KCNIP4: variants seen among roughly 807,000 people sequenced by gnomAD.
KCNIP4 encodes the protein Kv channel-interacting protein 4.
KCNIP4 carries 12 observed loss-of-function variants against 34.0 expected under a neutral mutation model. The observed-to-expected ratio is 0.35, with a 90% confidence interval of 0.23 to 0.57. KCNIP4 has a LOEUF of 0.57. Ranked by LOEUF, KCNIP4 falls within the 20% of genes least tolerant of loss-of-function variation. KCNIP4 has a pLI of 0.83. For missense variants in KCNIP4, 238 were observed against 311.7 expected, an observed-to-expected ratio of 0.76 and a Z score of 1.78; for synonymous variants, 124 against 102.2, an observed-to-expected ratio of 1.21 and a Z score of -1.29.
intron 1 of KCNIP4, among the ~76,000 whole-genome samples, chr4:21,567,628 C>T (rs1304781548): frequency 6.6e-6 from 1 of 152,154 alleles, no homozygotes; most frequent in African/African-American, 2.4e-5. Flanking sequence ...CAGCATCATG[C>T]TTAGAGCCAG....
At chr4:21,445,486 T>G (rs1332274910) in intron 1 of KCNIP4, among the ~76,000 whole-genome samples, 1 of 152,166 alleles carries the variant, frequency 6.6e-6, no homozygotes, top group African/African-American at 2.4e-5. Flanking sequence ...TACAACTATC[T>G]GATCTTTGAC....
intron 1 of KCNIP4, among the ~76,000 whole-genome samples, chr4:21,361,953 G>A (rs930415819): frequency 1.3e-5 from 2 of 151,928 alleles, no homozygotes; most frequent in South Asian, 2.1e-4. Flanking sequence ...TCTATAACCC[G>A]TCACACCGTC....
intron 1 of KCNIP4, among the ~76,000 whole-genome samples, chr4:21,234,118 T>C (rs1487757927): frequency 6.3e-5 from 7 of 111,638 alleles, no homozygotes; most frequent in South Asian, 2.5e-4. Flanking sequence ...ACGTATATTA[T>C]ATATAACATA....
At chr4:21,256,888 C>T (rs1000511676) in intron 1 of KCNIP4, among the ~76,000 whole-genome samples, 2 of 152,096 alleles carry the variant, frequency 1.3e-5, no homozygotes, top group Admixed American at 6.6e-5. Flanking sequence ...GTGTGAAATG[C>T]TCAAATTTTG....
intron 1 of KCNIP4, among the ~76,000 whole-genome samples, chr4:21,551,442 C>T (rs1228510065): frequency 6.6e-6 from 1 of 152,056 alleles, no homozygotes; most frequent in Non-Finnish European, 1.5e-5. Context: ...TAGAAACTTT[C>T]CCTGATGAAT....
At chr4:20,731,673 G>A (rs1748260368) in intron 8 of KCNIP4, 2 of 985,206 alleles carry the variant, frequency 2.0e-6, no homozygotes, top group Non-Finnish European at 2.4e-6. Flanking sequence ...TAATATATGA[G>A]TGATGCTAAG....
intron 1 of KCNIP4, among the ~76,000 whole-genome samples, chr4:21,689,351 G>A (rs777163291): frequency 6.6e-6 from 1 of 152,052 alleles, no homozygotes; most frequent in Non-Finnish European, 1.5e-5. Flanking sequence ...ATCAGTAATA[G>A]CGACAAATTT....
chr4:20,854,605 C>A (rs1721378097), intron 2 of KCNIP4, among the ~76,000 whole-genome samples: 1 of 152,002 alleles, frequency 6.6e-6, no homozygotes, highest in African/African-American at 2.4e-5. Flanking sequence ...CTCATGTAAC[C>A]AAATACCACC....
In KCNIP4 at chr4:21,728,794, C is replaced by A. The variant is rs141943932; in HGVS notation, c.61+219777G>T. ...CTGGGGAAGCCCTTCTTAAGGAGAT[C>A]TCTATGTCTCATTGTCTTACCACCC... On this transcript the variant is annotated intron_variant, in intron 1 of 8. Transcript: ENST00000382152. Among the ~76,000 whole-genome samples, 1,312 of 152,242 alleles carry A rather than the reference C, an allele frequency of 8.6e-3. 13 individuals carry two copies. Among genetic ancestry groups the A allele is most frequent in the Non-Finnish European group, 0.012 (837 of 68,018 alleles).
chr4:21,587,037 A>G (rs1329991071), intron 1 of KCNIP4, among the ~76,000 whole-genome samples: 1 of 152,032 alleles, frequency 6.6e-6, no homozygotes, highest in Non-Finnish European at 1.5e-5. Flanking sequence ...TGTTCTCAAG[A>G]AGGTTGAAGT....
intron 1 of KCNIP4, among the ~76,000 whole-genome samples, chr4:21,593,407 T>C (rs1742378954): frequency 6.6e-6 from 1 of 152,078 alleles, no homozygotes; most frequent in Non-Finnish European, 1.5e-5. Context: ...AGTGCTCTGC[T>C]CTTCTGCTGA....
chr4:21,128,364 C>G (rs1279224845), intron 1 of KCNIP4, among the ~76,000 whole-genome samples: 1 of 152,130 alleles, frequency 6.6e-6, no homozygotes, highest in Admixed American at 6.5e-5. Context: ...ATGAAGCATG[C>G]GATGTTTCAG....
intron 1 of KCNIP4, among the ~76,000 whole-genome samples, chr4:21,795,372 ACC>A (rs1384101663): frequency 1.3e-5 from 2 of 152,180 alleles, no homozygotes; most frequent in Non-Finnish European, 2.9e-5. Flanking sequence ...TGCGTAAGCC[ACC>A]CAGTCTGTGG....
chr4:21,946,143 G>A (rs1322072378), intron 1 of KCNIP4, among the ~76,000 whole-genome samples: 1 of 151,676 alleles, frequency 6.6e-6, no homozygotes, highest in African/African-American at 2.4e-5. Flanking sequence ...TTCCATTCAT[G>A]TAGTTTCATC....
At chr4:20,886,826 A>G (rs1469624147) in intron 1 of KCNIP4, among the ~76,000 whole-genome samples, 1 of 152,214 alleles carries the variant, frequency 6.6e-6, no homozygotes, top group Non-Finnish European at 1.5e-5. Flanking sequence ...ACAATATTCA[A>G]TATATTTTAA....
At chr4:21,404,373 C>T (rs1441110850) in intron 1 of KCNIP4, among the ~76,000 whole-genome samples, 1 of 152,184 alleles carries the variant, frequency 6.6e-6, no homozygotes, top group East Asian at 1.9e-4. Context: ...TAGAACACTT[C>T]TAGTTCCTTA....
chr4:20,784,974 TGCAAAG>T (rs1458267243), intron 3 of KCNIP4, among the ~76,000 whole-genome samples: 2 of 152,178 alleles, frequency 1.3e-5, no homozygotes, highest in Non-Finnish European at 2.9e-5. Context: ...AACTACCACT[TGCAAAG>T]GCAAATACGA....
At chr4:21,883,550 G>A (rs1726585525) in intron 1 of KCNIP4, among the ~76,000 whole-genome samples, 2 of 152,248 alleles carry the variant, frequency 1.3e-5, no homozygotes, top group Admixed American at 6.5e-5. Flanking sequence ...CATGTGTGAT[G>A]AACCATTGCT....
chr4:21,146,901 G>T (rs1752396734), intron 1 of KCNIP4, among the ~76,000 whole-genome samples: 1 of 151,940 alleles, frequency 6.6e-6, no homozygotes, highest in African/African-American at 2.4e-5. Context: ...TTACTGAGTG[G>T]TACATCGCTG....
Sources: allele counts gnomAD v4.1 joint callset (sites outside exome capture counted in the v4.1 genomes callset), GRCh38; gene constraint gnomAD v4.1.1; transcripts MANE v1.5; gene names NCBI Gene and HGNC (gene_info 2026-07-23, HGNC 2026-07-21).